DAB1: variants seen among roughly 807,000 people sequenced by gnomAD.
DAB1 encodes disabled homolog 1.
A neutral mutation model predicts 64.6 loss-of-function variants in DAB1; 15 were observed. The observed-to-expected ratio is 0.23, with a 90% CI of 0.16 to 0.36. DAB1 has a LOEUF of 0.36. Among genes scored for constraint, DAB1 ranks in the 10% least tolerant of loss-of-function variants. The pLI is 1.00. For synonymous variants in DAB1, 235 were observed against 251.9 expected (o/e 0.93, Z 0.64); for missense variants, 596 against 706.7 (o/e 0.84, Z 1.78).
chr1:57,147,982 T>A (rs972901409), intron 2 of DAB1, among the ~76,000 whole-genome samples: 3 of 152,226 alleles, frequency 2.0e-5, no homozygotes, highest in Non-Finnish European at 2.9e-5. Context: ...CTAACCACCA[T>A]GATCAGTTGC....
intron 5 of DAB1, among the ~76,000 whole-genome samples, chr1:58,126,455 CTTTT>C (rs113023484): frequency 6.8e-6 from 1 of 146,776 alleles, no homozygotes; most frequent in African/African-American, 2.5e-5. Context: ...TTCTTTTTTT[CTTTT>C]TTTTTTTTTA....
chr1:57,796,539 GATAATA>G (rs112123311), intron 6 of DAB1, among the ~76,000 whole-genome samples: 1,766 of 146,876 alleles, frequency 0.012, 27 homozygotes, highest in African/African-American at 0.044. Context: ...TAATAACAAT[GATAATA>G]ATAATAATAA....
At chr1:58,512,819 A>G (rs1055590956) in intron 2 of DAB1, among the ~76,000 whole-genome samples, 10 of 152,200 alleles carry the variant, frequency 6.6e-5, no homozygotes, top group Non-Finnish European at 1.5e-4. Context: ...AGATCTAGAG[A>G]TCTGATATAC....
chr1:57,702,947 C>T (rs1646924040), intron 6 of DAB1, among the ~76,000 whole-genome samples: 2 of 152,082 alleles, frequency 1.3e-5, no homozygotes, highest in Non-Finnish European at 2.9e-5. Context: ...GAAAGGATTC[C>T]TTATTCAATA....
chr1:57,051,958 T>C (rs1184996465), intron 9 of DAB1, among the ~76,000 whole-genome samples: 1 of 152,142 alleles, frequency 6.6e-6, no homozygotes, highest in Non-Finnish European at 1.5e-5. Context: ...CCTTTCATCA[T>C]AAAGGCAGTA....
chr1:57,029,727 A>C (rs1646909097), intron 9 of DAB1, among the ~76,000 whole-genome samples: 1 of 152,184 alleles, frequency 6.6e-6, no homozygotes. Flanking sequence ...GCTGGATTTC[A>C]GACTTGCATG....
At chr1:57,649,000 A>T (rs138008044) in intron 7 of DAB1, among the ~76,000 whole-genome samples, 1 of 152,208 alleles carries the variant, frequency 6.6e-6, no homozygotes, top group African/African-American at 2.4e-5. Context: ...GGCGTTTTCA[A>T]TTGTGGATTC....
At chr1:57,050,677 A>C (rs1050857862) in intron 9 of DAB1, among the ~76,000 whole-genome samples, 1 of 152,120 alleles carries the variant, frequency 6.6e-6, no homozygotes, top group African/African-American at 2.4e-5. Context: ...CTGCTCCCAC[A>C]CTATGCTCTC....
intron 2 of DAB1, among the ~76,000 whole-genome samples, chr1:58,521,572 G>A (rs1016508744): frequency 6.6e-6 from 1 of 151,888 alleles, no homozygotes; most frequent in Non-Finnish European, 1.5e-5. Context: ...TATTAACAAA[G>A]GGGACATTTA....
intron 7 of DAB1, among the ~76,000 whole-genome samples, chr1:57,641,407 G>A (rs1245292662): frequency 2.6e-4 from 20 of 76,864 alleles, no homozygotes; most frequent in Non-Finnish European, 4.1e-4. Context: ...TTTTTGAGAC[G>A]GAGTCTCGCT....
chr1:57,762,925 T>A (rs1258707085), intron 6 of DAB1, among the ~76,000 whole-genome samples: 1 of 152,214 alleles, frequency 6.6e-6, no homozygotes, highest in Non-Finnish European at 1.5e-5. Context: ...GTTCCTCATG[T>A]GGGCTAGGCC....
intron 4 of DAB1, among the ~76,000 whole-genome samples, chr1:58,158,027 A>G (rs1290323408): frequency 1.3e-5 from 2 of 152,188 alleles, no homozygotes; most frequent in Non-Finnish European, 2.9e-5. Context: ...AAAACAGCCC[A>G]CAAGGGGTTA....
At chr1:57,419,976 C>A (rs762682053) in intron 1 of DAB1, among the ~76,000 whole-genome samples, 17 of 152,206 alleles carry the variant, frequency 1.1e-4, no homozygotes, top group Admixed American at 1.1e-3. Context: ...ATTGCCTAAA[C>A]AATTATTTAC....
intron 1 of DAB1, among the ~76,000 whole-genome samples, chr1:57,859,898 C>T (rs1653932479): frequency 6.6e-6 from 1 of 152,204 alleles, no homozygotes; most frequent in African/African-American, 2.4e-5. Flanking sequence ...ATAAACCTCT[C>T]AGTTTTGCTA....
At position 58,493,611 on chromosome 1, in the gene DAB1, T is replaced by A. The variant is rs561687535; in HGVS notation, n.257+12449A>T. On this transcript the variant is annotated intron_variant and non_coding_transcript_variant, in intron 3 of 20. Transcript: ENST00000485760. ...AATGTGCAAAAATCACAAGCATTCT[T>A]ATACACCAATAACAGACAAACAGAG... is the stretch of plus-strand genomic sequence containing the variant. 4.1e-4 allele frequency among the ~76,000 whole-genome samples: 62 copies of A among 151,654 alleles called. 1 individual carries two copies. Among genetic ancestry groups the A allele is most frequent in the South Asian group, 1.9e-3 (9 of 4,786 alleles).
intron 4 of DAB1, among the ~76,000 whole-genome samples, chr1:58,279,682 A>G (rs535903582): frequency 1.3e-5 from 2 of 152,290 alleles, no homozygotes; most frequent in South Asian, 4.1e-4. Flanking sequence ...TCAAAGGCCT[A>G]TAGGAAGTCT....
Position 57,744,518 on chromosome 1 carries a change from G to A in DAB1, n.552-94853C>T, listed in dbSNP as rs149063376. Among the ~76,000 whole-genome samples the A allele has an allele frequency of 1.8e-3, 272 of 151,996 alleles. 1 individual carries two copies. The highest frequency in any genetic ancestry group is 8.8e-3 in the South Asian group (42 of 4,800). On this transcript the variant is annotated intron_variant and non_coding_transcript_variant, in intron 6 of 20. Coordinates refer to the DAB1 transcript ENST00000485760. The stretch of plus-strand genomic sequence containing the variant: ...TAGTCTCCTTAATATATCGGCAAAC[G>A]AAGAACTGGCACCATTCTAAGTACT...
intron 7 of DAB1, among the ~76,000 whole-genome samples, chr1:57,563,940 G>C (rs1645084893): frequency 6.6e-6 from 1 of 152,176 alleles, no homozygotes; most frequent in Non-Finnish European, 1.5e-5. Flanking sequence ...GAAGAGTGCA[G>C]TGGTTCTCCC....
At chr1:57,580,964 C>A (rs567332559) in intron 7 of DAB1, among the ~76,000 whole-genome samples, 3 of 152,290 alleles carry the variant, frequency 2.0e-5, no homozygotes, top group African/African-American at 4.8e-5. Context: ...CCCAACCCAG[C>A]CCTATTGGGC....
Sources: allele counts gnomAD v4.1 joint callset (sites outside exome capture counted in the v4.1 genomes callset), GRCh38; gene constraint gnomAD v4.1.1; transcripts MANE v1.5; gene names NCBI Gene and HGNC (gene_info 2026-07-23, HGNC 2026-07-21).